Variants in RP1 observed in about 807,000 individuals in gnomAD.
The protein encoded by RP1 is RP1 axonemal microtubule associated, also known as oxygen-regulated protein 1.
A neutral mutation model predicts 14.8 loss-of-function variants in RP1; 16 were observed. The observed-to-expected ratio is 1.08, with a 90% CI of 0.73 to 1.65. RP1 has a LOEUF of 1.65. RP1 is among the 40% of genes most tolerant of loss of function. The pLI is 0.00. For missense variants in RP1, 2,631 were observed against 2,535.0 expected (o/e 1.04, Z -0.81); for synonymous variants, 876 against 883.6 (o/e 0.99, Z 0.15).
Position 54,825,906 on chromosome 8 carries a change from CAAAA to C in RP1, c.3616-11535_3616-11532del, listed in dbSNP as rs60097707. On this transcript the variant is annotated intron_variant, in intron 24 of 28. Transcript: ENST00000637698. The stretch of plus-strand genomic sequence containing the variant: ...GCAACATGGCAAGACCCTGTCTCCA[CAAAA>C]AAAAAAAATCAGCCTGGTGCAATGG... 1.2e-4 allele frequency among the ~76,000 whole-genome samples: 18 copies of C among 145,746 alleles called. No homozygotes were observed. In the South Asian group the frequency reaches 3.0e-3, roughly 24 times the overall value.
At chr8:54,779,169 C>T (rs1041202351) in intron 23 of RP1, among the ~76,000 whole-genome samples, 3 of 152,144 alleles carry the variant, frequency 2.0e-5, no homozygotes, top group Non-Finnish European at 2.9e-5. Flanking sequence ...TAATCCACCC[C>T]TAATTATTAT....
At chr8:54,703,350 T>A (rs75683021) in intron 14 of RP1, among the ~76,000 whole-genome samples, 6,169 of 152,328 alleles carry the variant, frequency 0.04, 170 homozygotes, top group Non-Finnish European at 0.065. Flanking sequence ...TCCTTGTACG[T>A]GTCCATCAGA....
At chr8:54,611,960 T>A (rs961549912), upstream of RP1, among the ~76,000 whole-genome samples, 2 of 150,984 alleles carry the variant, frequency 1.3e-5, no homozygotes, top group African/African-American at 4.9e-5. Context: ...GTACGGTTTC[T>A]CTTTGCCAAG....
intron 20 of RP1, chr8:54,755,584 T>C (rs1809485008): frequency 6.5e-7 from 1 of 1,533,880 alleles, no homozygotes; most frequent in South Asian, 1.2e-5. Flanking sequence ...AGGTAATGTA[T>C]TTCCTCTTAT....
At chr8:54,854,242 C>A (rs1325394792) in intron 26 of RP1, among the ~76,000 whole-genome samples, 1 of 151,962 alleles carries the variant, frequency 6.6e-6, no homozygotes, top group Admixed American at 6.6e-5. Flanking sequence ...ATTACAGTAC[C>A]AGGTATCAAG....
intron 6 of RP1, among the ~76,000 whole-genome samples, chr8:54,656,698 TCTA>T (rs771089608): frequency 9.2e-5 from 14 of 151,432 alleles, no homozygotes; most frequent in Non-Finnish European, 1.9e-4. Flanking sequence ...AGGCTCTTGT[TCTA>T]CTCAGGATTA....
chr8:54,741,705 GTGTATATATATATATATATATATA>G (rs1460765811), intron 19 of RP1, among the ~76,000 whole-genome samples: 14 of 75,902 alleles, frequency 1.8e-4, no homozygotes, highest in Middle Eastern at 6.7e-3. Flanking sequence ...ACAAATGTGT[GTGTATATATATATATATATATATA>G]TATATATATA....
At chr8:54,615,762 G>T (rs1473978342), upstream of RP1, among the ~76,000 whole-genome samples, 2 of 152,186 alleles carry the variant, frequency 1.3e-5, no homozygotes, top group Admixed American at 6.5e-5. Context: ...TTATCAGAAT[G>T]AGAAAATGTC....
chr8:54,796,766 A>G (rs1026182813), intron 24 of RP1, among the ~76,000 whole-genome samples: 1 of 152,188 alleles, frequency 6.6e-6, no homozygotes, highest in African/African-American at 2.4e-5. Context: ...TGGTGAGAGA[A>G]TAAGTATCCG....
intron 19 of RP1, among the ~76,000 whole-genome samples, chr8:54,752,699 AC>A (rs1809405507): frequency 6.6e-6 from 1 of 151,730 alleles, no homozygotes; most frequent in East Asian, 1.9e-4. Flanking sequence ...ACACTTGCAT[AC>A]CCCCCACACT....
chr8:54,783,502 G>GT (rs1420537808), intron 23 of RP1: 6 of 1,028,632 alleles, frequency 5.8e-6, no homozygotes, highest in Non-Finnish European at 7.5e-6. Flanking sequence ...ATATTAATGT[G>GT]TTTTTCCCCT....
intron 1 of RP1, among the ~76,000 whole-genome samples, chr8:54,601,934 T>G (rs111780216): frequency 5.3e-5 from 8 of 152,212 alleles, no homozygotes; most frequent in African/African-American, 1.7e-4. Context: ...GGTGTAGGGG[T>G]GGTGGGATAG....
At chr8:54,831,106 T>C (rs1811512310) in intron 24 of RP1, among the ~76,000 whole-genome samples, 1 of 152,214 alleles carries the variant, frequency 6.6e-6, no homozygotes, top group Admixed American at 6.5e-5. Flanking sequence ...CATTCATCAA[T>C]TGTTGGACAT....
intron 1 of RP1, among the ~76,000 whole-genome samples, chr8:54,586,604 A>G (rs1481736781): frequency 6.6e-6 from 1 of 152,218 alleles, no homozygotes. Flanking sequence ...GGTGGAGTCT[A>G]CAGAGGCAGG....
intron 25 of RP1, among the ~76,000 whole-genome samples, chr8:54,838,584 T>A (rs557497170): frequency 8.9e-4 from 135 of 152,320 alleles, no homozygotes; most frequent in African/African-American, 3.2e-3. Flanking sequence ...TATATGTATG[T>A]GCGTGACTGA....
At chr8:54,816,008 T>C (rs1378491004) in intron 24 of RP1, among the ~76,000 whole-genome samples, 1 of 152,206 alleles carries the variant, frequency 6.6e-6, no homozygotes, top group Non-Finnish European at 1.5e-5. Context: ...CTTACAGATC[T>C]CTTACCTACT....
chr8:54,607,695 G>T (rs1313608850), intron 1 of RP1, among the ~76,000 whole-genome samples: 2 of 152,178 alleles, frequency 1.3e-5, no homozygotes, highest in African/African-American at 2.4e-5. Context: ...GCTTCACCCA[G>T]TTTGAGGTTC....
At chr8:54,595,927 T>C (rs562368361) in intron 1 of RP1, among the ~76,000 whole-genome samples, 155 of 152,332 alleles carry the variant, frequency 1.0e-3, no homozygotes, top group South Asian at 3.5e-3. Context: ...AGGAATTAGC[T>C]TTTTTCATTC....
intron 1 of RP1, among the ~76,000 whole-genome samples, chr8:54,573,301 C>G (rs1196483758): frequency 2.1e-5 from 3 of 144,462 alleles, no homozygotes; most frequent in Admixed American, 1.4e-4. Flanking sequence ...GGTGTAAAGT[C>G]TGCTAATGGC....
Sources: gnomAD v4.1 joint callset for allele counts (sites outside exome capture counted in the v4.1 genomes callset) on GRCh38, gnomAD v4.1.1 for gene constraint, MANE v1.5 for transcripts, NCBI Gene and HGNC (gene_info 2026-07-23, HGNC 2026-07-21) for gene names.